The following ELK4 variants were observed in gnomAD, a reference collection of about 807,000 sequenced individuals.
ELK4 encodes ETS transcription factor ELK4.
ELK4 carries 16 observed loss-of-function variants against 29.6 expected under a neutral mutation model. That is an observed-to-expected ratio of 0.54 (90% CI 0.37 to 0.82). ELK4 has a LOEUF of 0.82. Among genes scored for constraint, ELK4 ranks in the 40% least tolerant of loss-of-function variants. The pLI, the probability that ELK4 is intolerant of heterozygous loss-of-function variation, is 0.00. For missense variants in ELK4, 465 were observed against 507.1 expected (o/e 0.92, Z 0.80); for synonymous variants, 213 against 191.1 (o/e 1.11, Z -0.95).
chr1:205,618,654 T>C (rs1353130701), intron 4 of ELK4, among the ~76,000 whole-genome samples: 1 of 152,052 alleles, frequency 6.6e-6, no homozygotes, highest in Non-Finnish European at 1.5e-5. Flanking sequence ...TCAAACCCTG[T>C]CTCACTAAAA....
intron 3 of ELK4, chr1:205,619,455 C>A (rs1670289861): frequency 1.9e-6 from 2 of 1,063,452 alleles, no homozygotes; most frequent in East Asian, 1.1e-4. Context: ...TAATGGGTAA[C>A]CAAGACACCA....
At chr1:205,619,528 G>A (rs1670293140) in intron 3 of ELK4, 1 of 1,114,306 alleles carries the variant, frequency 9.0e-7, no homozygotes, top group Non-Finnish European at 1.1e-6. Flanking sequence ...TCTATGAGAT[G>A]AGCAAGTTAA....
chr1:205,620,955 G>A (rs1670331050), intron 2 of ELK4, 117 bp from the exon 3 acceptor site: 4 of 1,146,978 alleles, frequency 3.5e-6, no homozygotes, highest in African/African-American at 1.6e-5. Context: ...CCAGCACTTT[G>A]GAAGGCCGAG....
rs1188383212 is a variant in ELK4, at chr1:205,613,476, T to C, written c.*3070A>G. On this transcript the variant is annotated 3_prime_UTR_variant, in exon 5 of 5. Transcript: ENST00000357992. ...AAAATCCACTCTTGGGTGGAGTAAATGCAATGGTTTGCCAGCACTGGCTCT... is the reference window on the plus strand; with the variant it reads ...AAAATCCACTCTTGGGTGGAGTAAACGCAATGGTTTGCCAGCACTGGCTCT... 5.4e-6 allele frequency: 1 copy of C among 184,762 alleles called. No homozygotes were observed. The highest frequency in any genetic ancestry group is 1.1e-5 in the Non-Finnish European group (1 of 87,104). 11.4% of individuals were successfully genotyped at this position (184,762 alleles called of 1,614,324 possible).
At chr1:205,623,440 G>A (rs1179119096) in intron 2 of ELK4, among the ~76,000 whole-genome samples, 4 of 151,488 alleles carry the variant, frequency 2.6e-5, no homozygotes, top group Admixed American at 2.6e-4. Context: ...CTCCTGAGTA[G>A]CTGGGATTAC....
At chr1:205,619,495 G>A (rs1670290782) in intron 3 of ELK4, 2 of 1,081,760 alleles carry the variant, frequency 1.8e-6, no homozygotes, top group Non-Finnish European at 2.2e-6. Flanking sequence ...ATAATGAGGT[G>A]TGTGAAAAAT....
intron 3 of ELK4, chr1:205,619,461 C>T: frequency 1.9e-6 from 2 of 1,065,806 alleles, no homozygotes; most frequent in African/African-American, 3.3e-5. Flanking sequence ...GTAACCAAGA[C>T]ACCAGCATGT....
At chr1:205,617,944 A>G (rs180858732) in intron 4 of ELK4, among the ~76,000 whole-genome samples, 16 of 151,930 alleles carry the variant, frequency 1.1e-4, no homozygotes, top group Admixed American at 9.2e-4. Context: ...GAGGGAACCT[A>G]TGTGCAGAGA....
At chr1:205,623,951 T>C in intron 1 of ELK4, 60 bp from the exon 2 acceptor site, 1 of 1,459,370 alleles carries the variant, frequency 6.9e-7, no homozygotes, top group Non-Finnish European at 9.6e-7. Flanking sequence ...TTTAACACTG[T>C]ATGTCATGCA....
At position 205,623,543 on chromosome 1, in the gene ELK4, G is replaced by T. The variant is rs1356886552; in HGVS notation, c.207+133C>A. 37 of 926,790 alleles carry T rather than the reference G, an allele frequency of 4.0e-5. No homozygotes were observed. In the East Asian group the frequency reaches 8.8e-4, roughly 22 times the overall value. The allele number at this position is 926,790 out of a possible 1,614,324, so 57.4% of individuals were successfully genotyped here. A position where few individuals can be genotyped will look rare whatever the true frequency, so the allele number is the denominator to read the frequency against. ...TCGGTTAGGCTGGTCTTGAACTCCT[G>T]ACCTCAGGTGATCCACCCTCCTTGG... On this transcript the variant is annotated intron_variant, in intron 2 of 4. Coordinates refer to ENST00000357992, the MANE Select transcript of ELK4 (RefSeq NM_001973.4).
At chr1:205,624,390 T>C (rs981286366) in intron 1 of ELK4, among the ~76,000 whole-genome samples, 7 of 152,208 alleles carry the variant, frequency 4.6e-5, no homozygotes, top group African/African-American at 1.4e-4. Flanking sequence ...TGTTTGTGTC[T>C]ATCTCAGGGT....
rs770407845 is a variant in ELK4 at position 205,620,356 on chromosome 1, G to C, written c.690C>G (p.Ser230=). ...GGGCTTCCAGGGAAGGCAGTTTTGG[G>C]GAAACCAATGTCTCCAAAGCTTGGA... ...ETIQALETLV[S]PKLPSLEAPT... The change falls in exon 3 of 5, where the codon TCC becomes TCG. Residue 230 remains serine (S), a synonymous_variant. Coordinates refer to ENST00000357992, the MANE Select transcript of ELK4 (RefSeq NM_001973.4). 22 of 1,614,060 alleles carry C rather than the reference G, an allele frequency of 1.4e-5. No individual in the cohort carries two copies. The highest frequency in any genetic ancestry group is 1.5e-5 in the Non-Finnish European group (18 of 1,180,042).
At chr1:205,621,892 C>T (rs1670359296) in intron 2 of ELK4, among the ~76,000 whole-genome samples, 1 of 151,522 alleles carries the variant, frequency 6.6e-6, no homozygotes, top group African/African-American at 2.4e-5. Context: ...TATCTCCAGA[C>T]AGGAAAGCTG....
rs145530731 is a variant in ELK4 at position 205,619,014 on chromosome 1, G to T, written c.1140C>A (p.Leu380=). ...CTGGACTTAGGGGAGCAACAGGACT[G>T]AGAGTACTCCAGAAGTGGATACTGG... The part of the protein sequence containing the change: ...LLSSIHFWST[L]SPVAPLSPAR... The change falls in exon 4 of 5, where the codon CTC becomes CTA. Residue 380 remains leucine (L), a synonymous_variant. Coordinates refer to ENST00000357992, the MANE Select transcript of ELK4 (RefSeq NM_001973.4). 1 of 1,611,894 alleles carries T rather than the reference G, an allele frequency of 6.2e-7. No individual in the cohort carries two copies.
At chr1:205,625,600 C>G (rs1221118402) in intron 1 of ELK4, 3 of 1,238,264 alleles carry the variant, frequency 2.4e-6, no homozygotes, top group Non-Finnish European at 2.4e-6. Context: ...GCTCCCAAAG[C>G]TCGGATAGGA....
chr1:205,626,701 C>G (rs1415333202), intron 1 of ELK4, among the ~76,000 whole-genome samples: 1 of 152,144 alleles, frequency 6.6e-6, no homozygotes, highest in Non-Finnish European at 1.5e-5. Context: ...GGCAAGGATG[C>G]AGAGAAATTG....
rs1453425684 is a variant in ELK4, at chr1:205,613,177, G to C, written c.*3369C>G. 1 of 198,058 alleles carries C rather than the reference G, an allele frequency of 5.0e-6. No individual in the cohort carries two copies. The highest frequency in any genetic ancestry group is 1.0e-5 in the Non-Finnish European group (1 of 95,794). 12.3% of individuals were successfully genotyped at this position (198,058 alleles called of 1,614,324 possible). On this transcript the variant is annotated 3_prime_UTR_variant, in exon 5 of 5. Coordinates refer to ENST00000357992, the MANE Select transcript of ELK4 (RefSeq NM_001973.4). ...CGTACTGTGACAAACCATTAATAAA[G>C]AAGGATTACTAAGCCAGGTGTGGTG... is the stretch of plus-strand genomic sequence containing the variant.
At chr1:205,628,569 C>A (rs758926401) in intron 1 of ELK4, among the ~76,000 whole-genome samples, 1 of 152,154 alleles carries the variant, frequency 6.6e-6, no homozygotes, top group Non-Finnish European at 1.5e-5. Flanking sequence ...AGTCTTAATA[C>A]CTATTATGTA....
Position 205,623,877 on chromosome 1 carries a change from G to T in ELK4, c.6C>A (p.Asp2Glu), listed in dbSNP as rs1473534811. The change falls in exon 2 of 5, where the codon GAC becomes GAA. Residue 2 changes from aspartate to glutamate, a missense_variant. Asp to Glu is a conservative substitution (Grantham distance 45, BLOSUM62 2). This residue lies in a region of ELK4 where 385 missense variants were observed against 387.5 expected (regional missense o/e 0.99). Transcript: ENST00000357992. ...GGAACTGCCACAGGGTGATAGCACTGTCCATAGCAATGAGCTGAAAGAATA... is the reference window on the plus strand; with the variant it reads ...GGAACTGCCACAGGGTGATAGCACTTTCCATAGCAATGAGCTGAAAGAATA... M[D>E]SAITLWQFLL... The T allele has an allele frequency of 1.2e-6, 2 of 1,613,976 alleles. No individual in the cohort carries two copies. Among genetic ancestry groups the T allele is most frequent in the Non-Finnish European group, 1.7e-6 (2 of 1,179,982 alleles).
Sources: gnomAD v4.1 joint callset for allele counts (sites outside exome capture counted in the v4.1 genomes callset) on GRCh38, gnomAD v4.1.1 for gene constraint, gnomAD v4.1.1 regional missense constraint, MANE v1.5 for transcripts, NCBI Gene and HGNC (gene_info 2026-07-23, HGNC 2026-07-21) for gene names.